Variants in VTI1A observed in about 807,000 individuals in gnomAD.
The protein encoded by VTI1A is vesicle transport through interaction with t-SNAREs homolog 1A.
Under a neutral mutation model 34.9 loss-of-function variants are expected in VTI1A, and 22 were observed. That is an observed-to-expected ratio of 0.63 (90% CI 0.45 to 0.90). The LOEUF (loss-of-function observed/expected upper bound fraction) is 0.90. VTI1A is among the 40% of genes least tolerant of loss of function. The pLI is 0.00. For missense variants in VTI1A, 268 were observed against 275.6 expected (o/e 0.97, Z 0.20); for synonymous variants, 87 against 97.3 (o/e 0.89, Z 0.62).
intron 7 of VTI1A, among the ~76,000 whole-genome samples, chr10:112,779,578 C>T (rs1393282291): frequency 1.3e-5 from 2 of 152,186 alleles, no homozygotes; most frequent in East Asian, 3.9e-4. Context: ...ATCATCTGGA[C>T]TTGAATTTAG....
the VTI1A span, among the ~76,000 whole-genome samples, chr10:112,830,839 A>ATTT: frequency 1.9e-4 from 9 of 46,288 alleles, no homozygotes; most frequent in African/African-American, 6.9e-4. Context: ...ATATATATAT[A>ATTT]TATATATATA....
chr10:112,736,135 A>ATATT (rs1850459464), intron 7 of VTI1A, among the ~76,000 whole-genome samples: 2 of 145,866 alleles, frequency 1.4e-5, no homozygotes, highest in South Asian at 4.3e-4. Context: ...ATATATATAT[A>ATATT]TATGTAAATG....
chr10:112,648,283 A>G (rs931708686), intron 5 of VTI1A, among the ~76,000 whole-genome samples: 24 of 152,224 alleles, frequency 1.6e-4, no homozygotes, highest in Non-Finnish European at 5.9e-5. Context: ...GCTGTCACTA[A>G]GGAAAGTTAA....
chr10:112,561,927 C>A (rs1851736527), intron 5 of VTI1A, among the ~76,000 whole-genome samples: 1 of 152,034 alleles, frequency 6.6e-6, no homozygotes, highest in South Asian at 2.1e-4. Context: ...CATTTCACTC[C>A]CCCAAAATTA....
At position 112,668,226 on chromosome 10, in the gene VTI1A, G is replaced by C; in HGVS notation, c.436G>C (p.Gly146Arg). 1 of 1,612,394 alleles carries C rather than the reference G, an allele frequency of 6.2e-7. No individual in the cohort carries two copies. Among genetic ancestry groups the C allele is most frequent in the African/African-American group, 1.3e-5 (1 of 74,916 alleles). Reference sequence around the variant, plus strand: ...AATTTTCTTTTCCGTAGAGCAAATTGGTCAGGAGATGTTGGAAAACCTTAG... The same window carrying C: ...AATTTTCTTTTCCGTAGAGCAAATTCGTCAGGAGATGTTGGAAAACCTTAG... ...YQIAVETEQI[G>R]QEMLENLSHD... The change falls in exon 6 of 8, where the codon GGT (glycine) becomes CGT (arginine). Residue 146 changes from glycine (G) to arginine (R), a missense_variant. Coordinates refer to ENST00000393077, the MANE Select transcript of VTI1A (RefSeq NM_145206.4).
intron 5 of VTI1A, among the ~76,000 whole-genome samples, chr10:112,622,693 G>A (rs1168983076): frequency 1.3e-5 from 2 of 152,192 alleles, no homozygotes; most frequent in Non-Finnish European, 1.5e-5. Flanking sequence ...AGCATTTGGT[G>A]TAGCAAACTT....
At chr10:112,610,980 C>T (rs1845286375) in intron 5 of VTI1A, among the ~76,000 whole-genome samples, 1 of 152,018 alleles carries the variant, frequency 6.6e-6, no homozygotes, top group South Asian at 2.1e-4. Flanking sequence ...ACTGTGTGGA[C>T]TGTCCAACAC....
intron 5 of VTI1A, among the ~76,000 whole-genome samples, chr10:112,604,882 A>C (rs1845016236): frequency 2.6e-5 from 4 of 152,120 alleles, no homozygotes; most frequent in Admixed American, 2.6e-4. Context: ...TCTCATTTAG[A>C]ATAGGGTAAT....
the VTI1A span, chr10:112,831,897 A>G: frequency 1.3e-5 from 2 of 152,174 alleles, no homozygotes; most frequent in Admixed American, 1.3e-4. Context: ...CCAAATCACT[A>G]GATCCCACAA....
chr10:112,691,102 T>C (rs1412736056), intron 7 of VTI1A, among the ~76,000 whole-genome samples: 1 of 151,626 alleles, frequency 6.6e-6, no homozygotes, highest in African/African-American at 2.4e-5. Flanking sequence ...CTACTAAAAA[T>C]ACAAAAAAAT....
chr10:112,645,068 GT>G (rs1846721654), intron 5 of VTI1A, among the ~76,000 whole-genome samples: 1 of 152,162 alleles, frequency 6.6e-6, no homozygotes, highest in African/African-American at 2.4e-5. Context: ...ATGTTAACTG[GT>G]TTTAACATTC....
the VTI1A span, among the ~76,000 whole-genome samples, chr10:112,843,692 A>G: frequency 6.6e-6 from 1 of 152,188 alleles, no homozygotes; most frequent in East Asian, 1.9e-4. Flanking sequence ...AACATTGAGG[A>G]AGCCGTGGGG....
chr10:112,725,152 G>A (rs964040800), intron 7 of VTI1A, among the ~76,000 whole-genome samples: 1 of 152,210 alleles, frequency 6.6e-6, no homozygotes, highest in African/African-American at 2.4e-5. Context: ...TGCAAACACA[G>A]TATATCTATT....
chr10:112,502,931 A>G (rs1275954742), intron 3 of VTI1A, among the ~76,000 whole-genome samples: 1 of 152,130 alleles, frequency 6.6e-6, no homozygotes, highest in African/African-American at 2.4e-5. Flanking sequence ...ATGTTTTTAC[A>G]TAGTGATTCT....
chr10:112,486,845 T>C (rs867555340), intron 3 of VTI1A, among the ~76,000 whole-genome samples: 11 of 151,924 alleles, frequency 7.2e-5, no homozygotes, highest in Admixed American at 3.3e-4. Context: ...TTATGGCCAA[T>C]CCCTAGGCCA....
intron 3 of VTI1A, among the ~76,000 whole-genome samples, chr10:112,497,231 T>A (rs2134142607): frequency 1.3e-5 from 2 of 152,040 alleles, no homozygotes; most frequent in East Asian, 3.9e-4. Flanking sequence ...GGCAGGCGAA[T>A]CACTTGAACC....
At chr10:112,578,495 T>C (rs577643470) in intron 5 of VTI1A, among the ~76,000 whole-genome samples, 68 of 152,292 alleles carry the variant, frequency 4.5e-4, no homozygotes, top group Middle Eastern at 3.4e-3. Context: ...AGTGTTTTCA[T>C]TGAGTAGCCA....
At chr10:112,771,032 G>A (rs1158349820) in intron 7 of VTI1A, among the ~76,000 whole-genome samples, 1 of 152,044 alleles carries the variant, frequency 6.6e-6, no homozygotes, top group Non-Finnish European at 1.5e-5. Flanking sequence ...AGAAGACTTC[G>A]GGATTCCCCA....
At chr10:112,761,780 G>C (rs1194827302) in intron 7 of VTI1A, among the ~76,000 whole-genome samples, 7 of 151,236 alleles carry the variant, frequency 4.6e-5, no homozygotes, top group Non-Finnish European at 8.8e-5. Context: ...CTGTGTGTGT[G>C]TGTGTGTGTG....
Sources: gnomAD v4.1 joint callset for allele counts (sites outside exome capture counted in the v4.1 genomes callset) on GRCh38, gnomAD v4.1.1 for gene constraint, MANE v1.5 for transcripts, NCBI Gene and HGNC (gene_info 2026-07-23, HGNC 2026-07-21) for gene names.